WDR20: variants seen among roughly 807,000 people sequenced by gnomAD.
WDR20 encodes WD repeat domain 20, also known as WD repeat-containing protein 20.
A neutral mutation model predicts 38.7 loss-of-function variants in WDR20; 3 were observed. The ratio of observed to expected loss-of-function variants is 0.08; its 90% CI spans 0.04 to 0.20. WDR20 has a LOEUF of 0.20. Among genes scored for constraint, WDR20 ranks in the 10% least tolerant of loss-of-function variants. WDR20 has a pLI of 1.00. For synonymous variants in WDR20, 298 were observed against 285.6 expected (o/e 1.04, Z -0.44); for missense variants, 559 against 727.7 (o/e 0.77, Z 2.67).
chr14:102,184,401 A>G (rs940951861), intron 1 of WDR20, among the ~76,000 whole-genome samples: 1 of 152,232 alleles, frequency 6.6e-6, no homozygotes, highest in Non-Finnish European at 1.5e-5. Context: ...TGTAATAGCT[A>G]GCAGTTTCTA....
chr14:102,201,454 G>A (rs184632415), intron 2 of WDR20, among the ~76,000 whole-genome samples: 1 of 152,292 alleles, frequency 6.6e-6, no homozygotes, highest in East Asian at 1.9e-4. Flanking sequence ...TGTGGTTATA[G>A]ACTTATTTTT....
rs370072864 is a variant in WDR20 at position 102,209,001 on chromosome 14, C to T, written c.831C>T (p.Ile277=). The change falls in exon 3 of 3, where the codon ATC becomes ATT. Residue 277 remains isoleucine, a synonymous_variant. Transcript: ENST00000342702. The surrounding 1 kb of genome is among the most constrained non-coding windows in gnomAD (Gnocchi z 6.0). ...GCTGGAGCCCGGATGGCAAGTACAT[C>T]GTGACAGGTGGGGAGGACGACTTGG... is the stretch of plus-strand genomic sequence containing the variant. ...CVCWSPDGKY[I]VTGGEDDLVT... 44 of 1,614,038 alleles carry T rather than the reference C, an allele frequency of 2.7e-5. No individual in the cohort carries two copies. The highest frequency in any genetic ancestry group is 1.6e-4 in the Middle Eastern group (1 of 6,084).
At chr14:102,212,776 A>C (rs2062720524), downstream of WDR20, 3 of 1,346,744 alleles carry the variant, frequency 2.2e-6, no homozygotes, top group African/African-American at 1.5e-5. Context: ...TGGGGAAAAT[A>C]TTTGTAGTTT....
At position 102,176,616 on chromosome 14, in the gene WDR20, T is replaced by G. The variant is rs117073451; in HGVS notation, c.250-18322T>G. Among the ~76,000 whole-genome samples, 1,300 of 147,738 alleles carry G rather than the reference T, an allele frequency of 8.8e-3. 9 individuals are homozygous for G. Among genetic ancestry groups the G allele is most frequent in the Non-Finnish European group, 0.016 (1,039 of 66,870 alleles). On this transcript the variant is annotated intron_variant, in intron 1 of 2. Transcript: ENST00000342702. ...TATTGGTCTGTAGTTTTCTTTCCCT[T>G]TTTTTTTTTGGTTATATTCTTTCTG...
downstream of WDR20, chr14:102,210,625 A>G (rs2062362628): frequency 1.2e-6 from 1 of 803,374 alleles, no homozygotes; most frequent in South Asian, 5.7e-5. Context: ...GAGGACGCCA[A>G]CAGCATTGCA....
Position 102,208,510 on chromosome 14 carries a change from C to T in WDR20, c.433-93C>T. The T allele has an allele frequency of 6.8e-7, 1 of 1,476,226 alleles. No homozygotes were observed. The highest frequency in any genetic ancestry group is 9.0e-7 in the Non-Finnish European group (1 of 1,113,466). 91.4% of individuals were successfully genotyped at this position (1,476,226 alleles called of 1,614,324 possible). ...GTGGAGGGCCTGGATAGACTTGCCC[C>T]TTCCCATCGAGAAGCACACAAGTTT... On this transcript the variant is annotated intron_variant, in intron 2 of 2. Coordinates refer to ENST00000342702, the MANE Select transcript of WDR20 (RefSeq NM_144574.4). The surrounding 1 kb of genome is among the most constrained non-coding windows in gnomAD (Gnocchi z 5.6).
rs1205017368 is a variant in WDR20 at position 102,191,240 on chromosome 14, T to G, written c.250-3698T>G. The stretch of plus-strand genomic sequence containing the variant: ...CAAGAGGGAAGGCAGGATTTGAACT[T>G]AGGCTTGCCTGGTCTGGGCTCTTTC... On this transcript the variant is annotated intron_variant, in intron 1 of 2. Coordinates refer to ENST00000342702, the MANE Select transcript of WDR20 (RefSeq NM_144574.4). The G allele has an allele frequency of 2.0e-5, 3 of 152,276 alleles. No individual in the cohort carries two copies. In the East Asian group the frequency reaches 5.8e-4, roughly 29 times the overall value. The allele number at this position is 152,276 out of a possible 1,614,324, so 9.4% of individuals were successfully genotyped here. A position where few individuals can be genotyped will look rare whatever the true frequency, so the allele number is the denominator to read the frequency against.
In WDR20 at chr14:102,140,115, C is replaced by T. The variant is rs1251529832; in HGVS notation, c.192C>T (p.Arg64=). 1 of 1,614,156 alleles carries T rather than the reference C, an allele frequency of 6.2e-7. No individual in the cohort carries two copies. Among genetic ancestry groups the T allele is most frequent in the Admixed American group, 1.7e-5 (1 of 60,032 alleles). Residue 64 remains arginine (R), a synonymous_variant, in exon 1 of 3, where the codon CGC becomes CGT. Transcript: ENST00000342702. ...NLNDQSGNGD[R]LCFNVGRELY... is the part of the protein sequence containing the mutation. ...ACGACCAGTCTGGCAACGGCGACCG[C>T]CTCTGCTTCAATGTGGGCCGGGAGC...
chr14:102,152,852 G>A (rs1244810582), intron 1 of WDR20, among the ~76,000 whole-genome samples: 1 of 152,118 alleles, frequency 6.6e-6, no homozygotes, highest in African/African-American at 2.4e-5. Context: ...CATTGTCCTG[G>A]GGTTTGAATC....
At chr14:102,190,725 G>A (rs1380213175) in intron 1 of WDR20, among the ~76,000 whole-genome samples, 2 of 152,080 alleles carry the variant, frequency 1.3e-5, no homozygotes, top group African/African-American at 4.8e-5. Context: ...CACAGGCCAG[G>A]TGTGGTGGCT....
At chr14:102,219,607 T>C (rs1676352867), downstream of WDR20, among the ~76,000 whole-genome samples, 1 of 152,202 alleles carries the variant, frequency 6.6e-6, no homozygotes, top group South Asian at 2.1e-4. Context: ...TCCCCTTTGC[T>C]CTGACGGGCG....
At chr14:102,213,764 A>C (rs1366809807), downstream of WDR20, 1 of 985,310 alleles carries the variant, frequency 1.0e-6, no homozygotes, top group African/African-American at 1.7e-5. Flanking sequence ...CAAGGTCCTC[A>C]TCACCTCTCG....
chr14:102,202,670 G>A (rs1156779410), intron 2 of WDR20, among the ~76,000 whole-genome samples: 11 of 151,986 alleles, frequency 7.2e-5, no homozygotes, highest in African/African-American at 1.9e-4. Context: ...GTGAGCCACT[G>A]CGCCGGGCCT....
intron 2 of WDR20, among the ~76,000 whole-genome samples, chr14:102,203,354 A>G (rs1360010032): frequency 6.6e-6 from 1 of 152,398 alleles, no homozygotes; most frequent in East Asian, 1.9e-4. Context: ...TGTAAAAACT[A>G]TAAATGAGAT....
downstream of WDR20, among the ~76,000 whole-genome samples, chr14:102,217,454 G>T (rs2063350276): frequency 6.6e-6 from 1 of 152,190 alleles, no homozygotes; most frequent in Non-Finnish European, 1.5e-5. Flanking sequence ...GCCAGGTTGA[G>T]TGGCATCTGG....
chr14:102,194,258 G>A (rs1295413772), intron 1 of WDR20, among the ~76,000 whole-genome samples: 1 of 152,206 alleles, frequency 6.6e-6, no homozygotes, highest in East Asian at 1.9e-4. Flanking sequence ...GCCTCGATAA[G>A]TAATGTTCCC....
chr14:102,217,640 G>A (rs1014941361), downstream of WDR20, among the ~76,000 whole-genome samples: 6 of 152,164 alleles, frequency 3.9e-5, no homozygotes, highest in South Asian at 2.1e-4. Flanking sequence ...TGTGGCTCAC[G>A]TGCCGCTTGT....
rs1271391580 is a variant in WDR20 at position 102,209,062 on chromosome 14, G to A, written c.892G>A (p.Ala298Thr). ...GTCCTTTGTAGACTGCCGAGTAATAGCCAGAGGCCACGGGCACAAGTCCTG... is the reference window on the plus strand; with the variant it reads ...GTCCTTTGTAGACTGCCGAGTAATAACCAGAGGCCACGGGCACAAGTCCTG... ...VWSFVDCRVI[A>T]RGHGHKSWVS... is the part of the protein sequence containing the mutation. The change falls in exon 3 of 3, where the codon GCC becomes ACC. Residue 298 changes from alanine (A) to threonine (T), a missense_variant. Ala to Thr is a moderately conservative substitution (Grantham distance 58). Transcript: ENST00000342702. The surrounding 1 kb of genome is among the most constrained non-coding windows in gnomAD (Gnocchi z 6.0). 2 of 1,614,034 alleles carry A rather than the reference G, an allele frequency of 1.2e-6. No homozygotes were observed. Among genetic ancestry groups the A allele is most frequent in the Non-Finnish European group, 1.7e-6 (2 of 1,180,038 alleles).
chr14:102,200,457 ATTTT>A (rs746438768), intron 2 of WDR20, among the ~76,000 whole-genome samples: 5 of 111,020 alleles, frequency 4.5e-5, no homozygotes, highest in Non-Finnish European at 5.8e-5. Context: ...TACTTTTTAA[ATTTT>A]TTTTTTTGTG....
Sources: allele counts gnomAD v4.1 joint callset (sites outside exome capture counted in the v4.1 genomes callset), GRCh38; gene constraint gnomAD v4.1.1; non-coding constraint Gnocchi (gnomAD v3.1); transcripts MANE v1.5; gene names NCBI Gene and HGNC (gene_info 2026-07-23, HGNC 2026-07-21).